Variants in DOCK8 observed in about 807,000 individuals in gnomAD.
The protein encoded by DOCK8 is dedicator of cytokinesis 8, also known as dedicator of cytokinesis protein 8.
Under a neutral mutation model 245.6 loss-of-function variants are expected in DOCK8, and 141 were observed. The observed-to-expected ratio is 0.57, with a 90% CI of 0.50 to 0.66. The LOEUF (loss-of-function observed/expected upper bound fraction) is 0.66, where lower values mean the gene tolerates loss of function less well. Ranked by LOEUF, DOCK8 falls within the 30% of genes least tolerant of loss-of-function variation. The pLI is 0.00. For synonymous variants in DOCK8, 1,168 were observed against 970.2 expected, an observed-to-expected ratio of 1.20 and a Z score of -3.79; for missense variants, 2,965 against 2,603.4, an observed-to-expected ratio of 1.14 and a Z score of -3.02.
chr9:388,467 C>G (rs2054047028), intron 23 of DOCK8, among the ~76,000 whole-genome samples: 3 of 152,104 alleles, frequency 2.0e-5, no homozygotes, highest in Non-Finnish European at 2.9e-5. Context: ...CTTTTGTCAT[C>G]TTTTAGTTTA....
At chr9:459,655 T>A (rs1177420325) in intron 46 of DOCK8, 7 of 152,432 alleles carry the variant, frequency 4.6e-5, no homozygotes, top group African/African-American at 1.7e-4. Flanking sequence ...TGGGCTCAGC[T>A]AAGCAGTTTT....
chr9:381,306 T>C (rs556462674), intron 21 of DOCK8: 1 of 152,334 alleles, frequency 6.6e-6, no homozygotes, highest in South Asian at 2.1e-4. Flanking sequence ...TAATTTATGA[T>C]TCAGCTGAGA....
chr9:300,490 C>T (rs543000985), intron 4 of DOCK8, among the ~76,000 whole-genome samples: 1 of 151,100 alleles, frequency 6.6e-6, no homozygotes, highest in Non-Finnish European at 1.5e-5. Flanking sequence ...AAACAAATAA[C>T]CAAAATCAGA....
intron 28 of DOCK8, among the ~76,000 whole-genome samples, chr9:411,462 A>G (rs1668271763): frequency 6.6e-6 from 1 of 152,058 alleles, no homozygotes; most frequent in African/African-American, 2.4e-5. Context: ...AACTTCCTAC[A>G]ATAAAAGCTC....
intron 14 of DOCK8, among the ~76,000 whole-genome samples, chr9:348,126 C>T (rs2051994830): frequency 6.6e-6 from 1 of 152,052 alleles, no homozygotes; most frequent in African/African-American, 2.4e-5. Context: ...AAGTCCTGAC[C>T]TTAGACATCT....
chr9:232,144 T>C (rs2047131888), intron 1 of DOCK8, among the ~76,000 whole-genome samples: 2 of 152,204 alleles, frequency 1.3e-5, no homozygotes, highest in Admixed American at 1.3e-4. Flanking sequence ...TCTGCATCTA[T>C]TGAGATAATC....
At chr9:279,592 A>G (rs929869301) in intron 2 of DOCK8, among the ~76,000 whole-genome samples, 2 of 152,162 alleles carry the variant, frequency 1.3e-5, no homozygotes, top group South Asian at 2.1e-4. Flanking sequence ...CCCTGAGACA[A>G]TTGGTTGCCT....
rs760043749 is a variant in DOCK8, at chr9:422,043, C to G, written c.4154-5C>G. ...AATTCCTATCATGCATTTCTTAACT[C>G]CTAGGGAACGACCGATTTCCAGGCC... is the stretch of plus-strand genomic sequence containing the variant. On this transcript the variant is annotated splice_region_variant and splice_polypyrimidine_tract_variant and intron_variant, in intron 32 of 47. Coordinates refer to ENST00000432829, the MANE Select transcript of DOCK8 (RefSeq NM_203447.4). 3.7e-6 allele frequency: 6 copies of G among 1,613,134 alleles called. No homozygotes were observed. Among genetic ancestry groups the G allele is most frequent in the Non-Finnish European group, 5.1e-6 (6 of 1,179,312 alleles).
chr9:330,089 A>G (rs1017832348), intron 9 of DOCK8, among the ~76,000 whole-genome samples: 1 of 152,204 alleles, frequency 6.6e-6, no homozygotes, highest in African/African-American at 2.4e-5. Context: ...CCCAGGCCGA[A>G]CATCAGGGTC....
intron 24 of DOCK8, 146 bp downstream of exon 24, chr9:390,712 C>G (rs1354974118): frequency 1.3e-6 from 1 of 751,608 alleles, no homozygotes; most frequent in Non-Finnish European, 2.3e-6. Flanking sequence ...CCCCTCCCAT[C>G]CTTCTTCCAC....
chr9:244,401 A>G (rs2047454495), intron 1 of DOCK8, among the ~76,000 whole-genome samples: 1 of 152,012 alleles, frequency 6.6e-6, no homozygotes, highest in Non-Finnish European at 1.5e-5. Context: ...GCTGGTCACA[A>G]GCCACTAAAC....
intron 38 of DOCK8, 64 bp from the exon 39 acceptor site, chr9:434,719 A>T: frequency 6.4e-7 from 1 of 1,560,184 alleles, no homozygotes; most frequent in Non-Finnish European, 8.8e-7. Context: ...GGTCACACAA[A>T]GTAGAAGAAC....
intron 28 of DOCK8, among the ~76,000 whole-genome samples, chr9:408,624 G>A (rs1379329678): frequency 2.0e-5 from 3 of 152,310 alleles, no homozygotes; most frequent in South Asian, 4.1e-4. Flanking sequence ...GCACAAACAT[G>A]TACATACATT....
At chr9:281,220 G>T (rs2048568706) in intron 2 of DOCK8, among the ~76,000 whole-genome samples, 2 of 151,846 alleles carry the variant, frequency 1.3e-5, no homozygotes, top group African/African-American at 4.8e-5. Context: ...CGCCACTGCA[G>T]TCCAGCAACG....
Position 223,904 on chromosome 9 carries a change from T to A in DOCK8, c.53+8875T>A, listed in dbSNP as rs150313421. Among the ~76,000 whole-genome samples, 7 of 152,270 alleles carry A rather than the reference T, an allele frequency of 4.6e-5. No individual in the cohort carries two copies. In the East Asian group the frequency reaches 1.3e-3, roughly 29 times the overall value. On this transcript the variant is annotated intron_variant, in intron 1 of 47. Transcript: ENST00000432829. ...TGTACTTCTGGGGTGTGTGTGTATATGCATATCCATAAACAATATATGGTA... is the reference window on the plus strand; with the variant it reads ...TGTACTTCTGGGGTGTGTGTGTATAAGCATATCCATAAACAATATATGGTA...
At position 433,708 on chromosome 9, in the gene DOCK8, C is replaced by T. The variant is rs7041371; in HGVS notation, c.4786-167C>T. Reference sequence around the variant, plus strand: ...CAGGTCTCATAAACTCCTGGGCTGGCGAAGATGAAAACTACAGAGTCAGGT... The same window carrying T: ...CAGGTCTCATAAACTCCTGGGCTGGTGAAGATGAAAACTACAGAGTCAGGT... On this transcript the variant is annotated intron_variant, in intron 37 of 47. Coordinates refer to ENST00000432829, the MANE Select transcript of DOCK8 (RefSeq NM_203447.4). 0.68 allele frequency among the ~76,000 whole-genome samples: 103,976 copies of T among 152,100 alleles called. 37,151 individuals are homozygous for T. Among genetic ancestry groups the T allele is most frequent in the East Asian group, 0.98 (5,086 of 5,186 alleles).
intron 33 of DOCK8, among the ~76,000 whole-genome samples, 173 bp downstream of exon 33, chr9:422,308 T>A (rs900246324): frequency 6.6e-6 from 1 of 151,898 alleles, no homozygotes; most frequent in African/African-American, 2.4e-5. Flanking sequence ...GTATAGGGAG[T>A]TGTGGTTTCC....
chr9:445,912 G>A (rs536823917), intron 43 of DOCK8, among the ~76,000 whole-genome samples: 2 of 152,304 alleles, frequency 1.3e-5, no homozygotes, highest in East Asian at 3.9e-4. Context: ...TGTGCATTTT[G>A]CATTCCCACC....
chr9:302,457 A>G (rs1171746474), intron 4 of DOCK8, among the ~76,000 whole-genome samples: 1 of 152,244 alleles, frequency 6.6e-6, no homozygotes, highest in African/African-American at 2.4e-5. Context: ...ATTTATGAAT[A>G]AGTCCCCAAA....
Sources: gnomAD v4.1 joint callset for allele counts (sites outside exome capture counted in the v4.1 genomes callset) on GRCh38, gnomAD v4.1.1 for gene constraint, MANE v1.5 for transcripts, NCBI Gene and HGNC (gene_info 2026-07-23, HGNC 2026-07-21) for gene names.